Variants in EXT2 observed in about 807,000 individuals in gnomAD.
The protein encoded by EXT2 is exostosin glycosyltransferase 2, also known as exostosin-2.
A neutral mutation model predicts 81.6 loss-of-function variants in EXT2; 53 were observed. That is an observed-to-expected ratio of 0.65 (90% CI 0.52 to 0.82). The LOEUF (loss-of-function observed/expected upper bound fraction) is 0.82, where lower values mean the gene tolerates loss of function less well. EXT2 is among the 40% of genes least tolerant of loss of function. The probability of loss-of-function intolerance (pLI) is 0.00; values close to 1 mark genes in which losing one functional copy is unlikely to be tolerated. For synonymous variants in EXT2, 320 were observed against 340.0 expected, an observed-to-expected ratio of 0.94 and a Z score of 0.65; for missense variants, 774 against 910.2, an observed-to-expected ratio of 0.85 and a Z score of 1.93.
In EXT2 at chr11:44,119,120, CTATTTATATATATATATATATA is replaced by C. The variant is rs1218505529; in HGVS notation, c.743+4823_743+4844del. Among the ~76,000 whole-genome samples the C allele has an allele frequency of 1.9e-3, 54 of 28,802 alleles. 1 individual carries two copies. Among genetic ancestry groups the C allele is most frequent in the Non-Finnish European group, 3.6e-3 (47 of 13,200 alleles). The allele number at this position is 28,802 out of a possible 152,430, so 18.9% of individuals were successfully genotyped here. A position where few individuals can be genotyped will look rare whatever the true frequency, so the allele number is the denominator to read the frequency against. ...ATTATGTCCCCCAGGGGACATTTGG[CTATTTATATATATATATATATA>C]TATATATATATATATATATATATAT... On this transcript the variant is annotated intron_variant, in intron 4 of 13. Coordinates refer to ENST00000533608, the MANE Select transcript of EXT2 (RefSeq NM_207122.2).
intron 7 of EXT2, among the ~76,000 whole-genome samples, chr11:44,159,457 A>C (rs1215604751): frequency 6.6e-6 from 1 of 151,940 alleles, no homozygotes; most frequent in South Asian, 2.1e-4. Flanking sequence ...CTTCATTTTC[A>C]TTACAGTGTG....
intron 12 of EXT2, among the ~76,000 whole-genome samples, chr11:44,235,158 C>CA (rs921192609): frequency 6.5e-5 from 9 of 138,950 alleles, no homozygotes; most frequent in South Asian, 4.6e-4. Context: ...CAGCTGACCA[C>CA]AAAAAAAATT....
At chr11:44,129,428 A>G (rs1331626388) in intron 6 of EXT2, among the ~76,000 whole-genome samples, 1 of 152,252 alleles carries the variant, frequency 6.6e-6, no homozygotes, top group Non-Finnish European at 1.5e-5. Context: ...TCCAGCCACA[A>G]TAGCCTCCTT....
At chr11:44,122,355 C>G (rs1013988103) in intron 4 of EXT2, among the ~76,000 whole-genome samples, 1 of 152,158 alleles carries the variant, frequency 6.6e-6, no homozygotes, top group Admixed American at 6.5e-5. Context: ...GTGGGTTTGA[C>G]TGTAAATTTT....
chr11:44,156,030 C>T (rs1240211347), intron 7 of EXT2, among the ~76,000 whole-genome samples: 3 of 152,208 alleles, frequency 2.0e-5, no homozygotes, highest in East Asian at 3.8e-4. Flanking sequence ...TCCTTCAGCA[C>T]TTCAAATATG....
intron 7 of EXT2, among the ~76,000 whole-genome samples, chr11:44,140,017 C>A (rs570607979): frequency 6.6e-6 from 1 of 152,278 alleles, no homozygotes; most frequent in South Asian, 2.1e-4. Flanking sequence ...GGTCCGGAAC[C>A]TCGCCGTTGG....
rs761949260 is a variant in EXT2, at chr11:44,107,859, T to G, written c.147T>G (p.Ser49=). The G allele has an allele frequency of 1.9e-6, 3 of 1,614,204 alleles. No homozygotes were observed. The East Asian group carries it at 6.7e-5, about 36-fold the overall frequency. Reference sequence around the variant, plus strand: ...GCATGTTTCAGTTTTGGCCCCATTCTATCGAGTCCTCAAATGACTGGAATG... The same window carrying G: ...GCATGTTTCAGTTTTGGCCCCATTCGATCGAGTCCTCAAATGACTGGAATG... ...ATGMFQFWPH[S]IESSNDWNVE... Residue 49 remains serine, a synonymous_variant, in exon 2 of 14, where the codon TCT becomes TCG. Coordinates refer to ENST00000533608, the MANE Select transcript of EXT2 (RefSeq NM_207122.2).
chr11:44,243,511 A>C (rs1956060349), intron 13 of EXT2, among the ~76,000 whole-genome samples: 1 of 152,054 alleles, frequency 6.6e-6, no homozygotes, highest in South Asian at 2.1e-4. Flanking sequence ...GCTTTCACAG[A>C]AGATTGTGCA....
chr11:44,244,173 T>G lies in EXT2; in HGVS notation c.2043T>G (p.Ala681=). 2 of 1,614,144 alleles carry G rather than the reference T, an allele frequency of 1.2e-6. No homozygotes were observed. The highest frequency in any genetic ancestry group is 1.7e-6 in the Non-Finnish European group (2 of 1,179,994). Residue 681 remains alanine (A), a synonymous_variant, in exon 14 of 14, where the codon GCT becomes GCG. Coordinates refer to ENST00000533608, the MANE Select transcript of EXT2 (RefSeq NM_207122.2). The stretch of plus-strand genomic sequence containing the variant: ...GGTCAGAGTGCATCAACAAGTTTGC[T>G]TCAGTCTTCGGGACCATGCCTCTCA... ...VERSECINKF[A]SVFGTMPLKV... is the part of the protein sequence containing the mutation.
At chr11:44,137,902 G>T (rs1287683431) in intron 7 of EXT2, among the ~76,000 whole-genome samples, 2 of 152,174 alleles carry the variant, frequency 1.3e-5, no homozygotes, top group Non-Finnish European at 2.9e-5. Flanking sequence ...CTTTAAGAAA[G>T]GCCCTCAGGT....
intron 10 of EXT2, among the ~76,000 whole-genome samples, chr11:44,214,892 C>T (rs1489359106): frequency 6.6e-6 from 1 of 151,672 alleles, no homozygotes; most frequent in African/African-American, 2.4e-5. Flanking sequence ...GCTAGGACTA[C>T]AGAATTGTCC....
Position 44,109,226 on chromosome 11 carries a change from A to G in EXT2, c.569A>G (p.Asn190Ser). The change falls in exon 3 of 14, where the codon AAC becomes AGC. Residue 190 changes from asparagine to serine, a missense_variant. Transcript: ENST00000533608. ...WDRGTNHLLF[N>S]MLPGGPPDYN... ...CGAGGTACGAATCACCTGTTGTTCA[A>G]CATGTTGCCTGGAGGTCCCCCAGAT... 1 of 1,614,092 alleles carries G rather than the reference A, an allele frequency of 6.2e-7. No homozygotes were observed. The highest frequency in any genetic ancestry group is 8.5e-7 in the Non-Finnish European group (1 of 1,179,994).
chr11:44,187,916 A>T (rs892163575), intron 8 of EXT2, among the ~76,000 whole-genome samples: 1 of 152,174 alleles, frequency 6.6e-6, no homozygotes, highest in Non-Finnish European at 1.5e-5. Flanking sequence ...TCCATCTATT[A>T]TACTGCTTTC....
At chr11:44,124,421 T>C (rs1954365329) in intron 4 of EXT2, among the ~76,000 whole-genome samples, 1 of 147,162 alleles carries the variant, frequency 6.8e-6, no homozygotes, top group Admixed American at 6.9e-5. Flanking sequence ...TCGATGTTCC[T>C]TCCAAATTAT....
At chr11:44,241,437 A>G (rs1956036400) in intron 13 of EXT2, among the ~76,000 whole-genome samples, 1 of 152,174 alleles carries the variant, frequency 6.6e-6, no homozygotes, top group South Asian at 2.1e-4. Context: ...GTCAAATTAC[A>G]ATGTCCATTC....
At chr11:44,187,282 A>G (rs1045207060) in intron 8 of EXT2, among the ~76,000 whole-genome samples, 7 of 139,944 alleles carry the variant, frequency 5.0e-5, no homozygotes, top group African/African-American at 9.8e-5. Context: ...GGCTCCACCA[A>G]TCCTCCTGCT....
At chr11:44,157,329 C>T (rs1003912391) in intron 7 of EXT2, among the ~76,000 whole-genome samples, 4 of 152,198 alleles carry the variant, frequency 2.6e-5, no homozygotes, top group East Asian at 1.9e-4. Flanking sequence ...CAGGCCTCAC[C>T]CCTGGCCCAA....
At chr11:44,122,642 AG>A (rs1405965271) in intron 4 of EXT2, among the ~76,000 whole-genome samples, 1 of 152,242 alleles carries the variant, frequency 6.6e-6, no homozygotes, top group Non-Finnish European at 1.5e-5. Flanking sequence ...GCCAGGAAAA[AG>A]GAACCAGTCT....
rs78111133 is a variant in EXT2, at chr11:44,192,155, C to T, written c.1306-5674C>T. 5.5e-3 allele frequency among the ~76,000 whole-genome samples: 834 copies of T among 152,310 alleles called. 11 individuals carry two copies. Among genetic ancestry groups the T allele is most frequent in the African/African-American group, 0.019 (790 of 41,566 alleles). On this transcript the variant is annotated intron_variant, in intron 8 of 13. Coordinates refer to ENST00000533608, the MANE Select transcript of EXT2 (RefSeq NM_207122.2). ...CTGTGAGGTGCCCTGTTGGATGGCT[C>T]ACTGTCTTGTCAGCAAATCTTTGCA...
Sources: gnomAD v4.1 joint callset for allele counts (sites outside exome capture counted in the v4.1 genomes callset) on GRCh38, gnomAD v4.1.1 for gene constraint, MANE v1.5 for transcripts, NCBI Gene and HGNC (gene_info 2026-07-23, HGNC 2026-07-21) for gene names.